The following HS6ST3 variants were observed in gnomAD, a reference collection of about 807,000 sequenced individuals.
HS6ST3 encodes the protein heparan sulfate 6-O-sulfotransferase 3, also known as heparan-sulfate 6-O-sulfotransferase 3.
A neutral mutation model predicts 36.7 loss-of-function variants in HS6ST3; 12 were observed. The ratio of observed to expected loss-of-function variants is 0.33; its 90% CI spans 0.21 to 0.53. The LOEUF (loss-of-function observed/expected upper bound fraction) is 0.53. HS6ST3 is among the 20% of genes least tolerant of loss of function. The probability of loss-of-function intolerance (pLI) is 0.95; values close to 1 mark genes in which losing one functional copy is unlikely to be tolerated. For synonymous variants in HS6ST3, 240 were observed against 257.5 expected, an observed-to-expected ratio of 0.93 and a Z score of 0.65; for missense variants, 584 against 640.9, an observed-to-expected ratio of 0.91 and a Z score of 0.96.
chr13:96,827,258 T>TA (rs1210613973), intron 1 of HS6ST3, among the ~76,000 whole-genome samples: 1 of 152,154 alleles, frequency 6.6e-6, no homozygotes, highest in Admixed American at 6.6e-5. Context: ...TTTGGAGAAT[T>TA]AAAAAATGAA....
chr13:96,184,179 A>AATAGAGCG (rs2054253836), intron 1 of HS6ST3, among the ~76,000 whole-genome samples: 1 of 141,366 alleles, frequency 7.1e-6, no homozygotes, highest in Non-Finnish European at 1.5e-5. Flanking sequence ...CCAGCCTGGC[A>AATAGAGCG]ATAGAGCGAG....
At chr13:96,119,676 A>G (rs2053915645) in intron 1 of HS6ST3, among the ~76,000 whole-genome samples, 2 of 152,226 alleles carry the variant, frequency 1.3e-5, no homozygotes, top group African/African-American at 4.8e-5. Flanking sequence ...TTAATCTTGA[A>G]GACTGTGAGC....
At chr13:96,572,764 A>C (rs2056305422) in intron 1 of HS6ST3, among the ~76,000 whole-genome samples, 1 of 152,164 alleles carries the variant, frequency 6.6e-6, no homozygotes, top group Non-Finnish European at 1.5e-5. Flanking sequence ...CTCTGCCTGC[A>C]ATGAGCTATT....
intron 1 of HS6ST3, among the ~76,000 whole-genome samples, chr13:96,274,259 C>T (rs2054736814): frequency 1.3e-5 from 2 of 151,974 alleles, no homozygotes; most frequent in South Asian, 2.1e-4. Flanking sequence ...CACATGTTCT[C>T]TGAATCCAGT....
At chr13:96,356,933 C>G (rs557731954) in intron 1 of HS6ST3, among the ~76,000 whole-genome samples, 13 of 152,318 alleles carry the variant, frequency 8.5e-5, no homozygotes, top group Admixed American at 5.9e-4. Flanking sequence ...GTGATCTTAG[C>G]TAGACCTTTT....
At chr13:96,576,619 G>A (rs1305356760) in intron 1 of HS6ST3, among the ~76,000 whole-genome samples, 1 of 152,114 alleles carries the variant, frequency 6.6e-6, no homozygotes, top group Non-Finnish European at 1.5e-5. Context: ...AATTTACAGT[G>A]CCATGCTCCT....
intron 1 of HS6ST3, among the ~76,000 whole-genome samples, chr13:96,501,413 A>G (rs115249389): frequency 2.8e-3 from 434 of 152,296 alleles, no homozygotes; most frequent in African/African-American, 0.01. Flanking sequence ...CCTGGAGCCA[A>G]GCTCCCTGTG....
At chr13:96,619,568 G>C (rs1169594091) in intron 1 of HS6ST3, among the ~76,000 whole-genome samples, 1 of 152,200 alleles carries the variant, frequency 6.6e-6, no homozygotes, top group African/African-American at 2.4e-5. Flanking sequence ...CTGTGGCACT[G>C]AGGTGCAGTG....
At chr13:96,178,539 G>A (rs1292188997) in intron 1 of HS6ST3, among the ~76,000 whole-genome samples, 4 of 93,234 alleles carry the variant, frequency 4.3e-5, no homozygotes, top group African/African-American at 8.4e-5. Flanking sequence ...TTCCTCTTGG[G>A]GCAAATGTCT....
chr13:96,396,792 A>C (rs763517194), intron 1 of HS6ST3, among the ~76,000 whole-genome samples: 3 of 152,234 alleles, frequency 2.0e-5, no homozygotes, highest in Non-Finnish European at 2.9e-5. Flanking sequence ...ACAATGCAGC[A>C]GTTACAAATG....
chr13:96,349,578 G>C (rs1277351196), intron 1 of HS6ST3, among the ~76,000 whole-genome samples: 1 of 152,174 alleles, frequency 6.6e-6, no homozygotes, highest in Non-Finnish European at 1.5e-5. Context: ...GCTTCTGAAA[G>C]TGTATTAATG....
intron 1 of HS6ST3, among the ~76,000 whole-genome samples, chr13:96,509,147 A>C (rs1679186864): frequency 6.6e-6 from 1 of 151,926 alleles, no homozygotes; most frequent in Admixed American, 6.6e-5. Context: ...CCATTTGTAC[A>C]TCTTCTTTTG....
At chr13:96,350,366 G>A (rs1371024885) in intron 1 of HS6ST3, among the ~76,000 whole-genome samples, 1 of 152,218 alleles carries the variant, frequency 6.6e-6, no homozygotes, top group Non-Finnish European at 1.5e-5. Context: ...AATGTTTGGT[G>A]TGAGATGACT....
At chr13:96,338,401 C>G (rs2055112741) in intron 1 of HS6ST3, among the ~76,000 whole-genome samples, 1 of 152,326 alleles carries the variant, frequency 6.6e-6, no homozygotes, top group South Asian at 2.1e-4. Flanking sequence ...CAGATTTTCA[C>G]TTATCCCTGG....
At chr13:96,525,869 C>G (rs1241134642) in intron 1 of HS6ST3, among the ~76,000 whole-genome samples, 1 of 152,194 alleles carries the variant, frequency 6.6e-6, no homozygotes, top group African/African-American at 2.4e-5. Context: ...AGACACTGTT[C>G]CTGACCTCAA....
intron 1 of HS6ST3, among the ~76,000 whole-genome samples, chr13:96,440,507 A>AGGGAAGGAAG (rs1566361774): frequency 6.9e-6 from 1 of 144,234 alleles, no homozygotes; most frequent in East Asian, 2.1e-4. Flanking sequence ...AGGAAAGGAA[A>AGGGAAGGAAG]GGAAAGGAAA....
In HS6ST3 at chr13:96,832,975, A is replaced by G. The variant is rs1012757715; in HGVS notation, c.1193A>G (p.Glu398Gly). ...AACGAGGGTGCCCGCCAACGCATTG[A>G]GGATCTAAACTTCCTGGACATGCAG... is the stretch of plus-strand genomic sequence containing the variant. ...EINEGARQRI[E>G]DLNFLDMQLY... is the part of the protein sequence containing the mutation. Residue 398 changes from glutamate (E) to glycine (G), a missense_variant, in exon 2 of 2, where the codon GAG (glutamate) becomes GGG (glycine). By Grantham distance (98) the Glu-to-Gly change is moderately conservative (BLOSUM62 -2). Around this residue, in one of 3 missense-constraint regions of HS6ST3, gnomAD observed 360 missense variants for 411.3 expected, o/e 0.88. Coordinates refer to ENST00000376705, the MANE Select transcript of HS6ST3 (RefSeq NM_153456.4). 6 of 1,614,042 alleles carry G rather than the reference A, an allele frequency of 3.7e-6. No homozygotes were observed. In the African/African-American group the frequency reaches 8.0e-5, roughly 22 times the overall value.
intron 1 of HS6ST3, among the ~76,000 whole-genome samples, chr13:96,160,487 T>C (rs1322055199): frequency 1.3e-5 from 2 of 152,202 alleles, no homozygotes; most frequent in African/African-American, 4.8e-5. Flanking sequence ...ATCCAAGCTG[T>C]CCCGTTCTTA....
chr13:96,276,087 C>T (rs1461505049), intron 1 of HS6ST3, among the ~76,000 whole-genome samples: 1 of 152,078 alleles, frequency 6.6e-6, no homozygotes, highest in Non-Finnish European at 1.5e-5. Context: ...CCCAGCATGC[C>T]TTGCCATTCC....
Sources: gnomAD v4.1 joint callset for allele counts (sites outside exome capture counted in the v4.1 genomes callset) on GRCh38, gnomAD v4.1.1 for gene constraint, gnomAD v4.1.1 regional missense constraint, MANE v1.5 for transcripts, NCBI Gene and HGNC (gene_info 2026-07-23, HGNC 2026-07-21) for gene names.